The following LARGE1 variants were observed in gnomAD, a reference collection of about 807,000 sequenced individuals.
LARGE1 encodes the protein xylosyl- and glucuronyltransferase LARGE1.
LARGE1 carries 43 observed loss-of-function variants against 87.6 expected under a neutral mutation model. That is an observed-to-expected ratio of 0.49 (90% CI 0.38 to 0.63). The LOEUF is 0.63. Among genes scored for constraint, LARGE1 ranks in the 30% least tolerant of loss-of-function variants. LARGE1 has a pLI of 0.00. For missense variants in LARGE1, 802 were observed against 1,000.2 expected (o/e 0.80, Z 2.67); for synonymous variants, 434 against 394.6 (o/e 1.10, Z -1.18).
chr22:33,892,782 C>T (rs191249060), intron 1 of LARGE1, among the ~76,000 whole-genome samples: 19 of 152,328 alleles, frequency 1.2e-4, no homozygotes, highest in Admixed American at 4.6e-4. Flanking sequence ...TGTACTTCAG[C>T]GGAAGAGGCA....
At chr22:33,453,015 C>G (rs908251709) in intron 6 of LARGE1, among the ~76,000 whole-genome samples, 3 of 152,176 alleles carry the variant, frequency 2.0e-5, no homozygotes, top group Admixed American at 6.5e-5. Flanking sequence ...GCCATACCAC[C>G]CTGGCCTGCC....
Position 33,214,766 on chromosome 22 carries a change from A to G in LARGE1, c.1731-47934T>C, listed in dbSNP as rs140160302. 2.4e-3 allele frequency among the ~76,000 whole-genome samples: 372 copies of G among 152,312 alleles called. 3 individuals carry two copies. The highest frequency in any genetic ancestry group is 8.3e-3 in the African/African-American group (344 of 41,558). ...TTTTCGAGGGAGCCCGGTCTTTCAC[A>G]TGAAATTATCTGTTTTCGCCAACCT... On this transcript the variant is annotated intron_variant, in intron 11 of 11. Transcript: ENST00000608642.
intron 6 of LARGE1, among the ~76,000 whole-genome samples, chr22:33,436,858 C>T (rs1458157166): frequency 1.3e-5 from 2 of 152,100 alleles, no homozygotes; most frequent in Non-Finnish European, 2.9e-5. Flanking sequence ...CTGAGCAATT[C>T]CAACTCTGGG....
upstream of LARGE1, among the ~76,000 whole-genome samples, chr22:33,921,047 G>A (rs865939261): frequency 1.9e-4 from 29 of 150,442 alleles, no homozygotes; most frequent in Middle Eastern, 3.5e-3. This position sits in a 1 kb window ranked among gnomAD's most constrained non-coding sequence, Gnocchi z 4.1. Flanking sequence ...GGGGGGGACC[G>A]CGAGCCGGGG....
chr22:33,140,986 T>A, the LARGE1 span, among the ~76,000 whole-genome samples: 1 of 152,194 alleles, frequency 6.6e-6, no homozygotes, highest in Non-Finnish European at 1.5e-5. Context: ...TTAAAGATAC[T>A]TTACATTAAA....
At chr22:33,705,124 T>C (rs1167900648) in intron 2 of LARGE1, among the ~76,000 whole-genome samples, 1 of 152,160 alleles carries the variant, frequency 6.6e-6, no homozygotes, top group South Asian at 2.1e-4. Flanking sequence ...GTCTCATGCG[T>C]CTGACAGGTC....
At chr22:33,807,879 C>T (rs1259858736) in intron 1 of LARGE1, among the ~76,000 whole-genome samples, 3 of 152,094 alleles carry the variant, frequency 2.0e-5, no homozygotes, top group Non-Finnish European at 4.4e-5. Flanking sequence ...CCTGGATGTG[C>T]TATGGTTTAT....
intron 2 of LARGE1, chr22:33,744,019 G>A (rs1012724238): frequency 6.6e-6 from 1 of 152,190 alleles, no homozygotes; most frequent in Non-Finnish European, 1.5e-5. Flanking sequence ...CCCGCTGGCT[G>A]TGAATCCAGT....
At chr22:33,844,223 CA>C (rs1334962058) in intron 1 of LARGE1, among the ~76,000 whole-genome samples, 1 of 152,062 alleles carries the variant, frequency 6.6e-6, no homozygotes, top group Non-Finnish European at 1.5e-5. Context: ...TTATTGAGGG[CA>C]AATAAAGATG....
chr22:33,367,723 G>A (rs942211251), intron 9 of LARGE1, among the ~76,000 whole-genome samples: 4 of 152,012 alleles, frequency 2.6e-5, no homozygotes, highest in Admixed American at 6.5e-5. Flanking sequence ...CACCAGGCCC[G>A]GCCAACTCTA....
chr22:33,777,684 A>AAGGGGAAGGGAAGGC (rs374883131), intron 1 of LARGE1, among the ~76,000 whole-genome samples: 9 of 100,154 alleles, frequency 9.0e-5, no homozygotes, highest in East Asian at 3.5e-4. Flanking sequence ...GGAGAAGGAG[A>AAGGGGAAGGGAAGGC]AGGGGAAGGG....
chr22:33,130,364 C>T, the LARGE1 span, among the ~76,000 whole-genome samples: 1 of 145,866 alleles, frequency 6.9e-6, no homozygotes, highest in South Asian at 2.2e-4. Flanking sequence ...GTGGTGCATT[C>T]CTGTAGTCCC....
At chr22:33,573,867 A>G (rs972452676) in intron 5 of LARGE1, among the ~76,000 whole-genome samples, 5 of 152,156 alleles carry the variant, frequency 3.3e-5, no homozygotes, top group African/African-American at 1.2e-4. Flanking sequence ...AGTTGATGCC[A>G]GCTATCAATA....
chr22:33,371,754 G>C (rs1044336620), intron 9 of LARGE1, among the ~76,000 whole-genome samples: 3 of 152,186 alleles, frequency 2.0e-5, no homozygotes, highest in Admixed American at 6.5e-5. Flanking sequence ...GGAGGCCGAG[G>C]TGGGTGGATC....
intron 11 of LARGE1, among the ~76,000 whole-genome samples, chr22:33,176,516 C>A (rs1057200024): frequency 6.6e-6 from 1 of 152,154 alleles, no homozygotes; most frequent in Admixed American, 6.5e-5. Context: ...AGAGACTTTT[C>A]AAAAGAAGGC....
chr22:33,141,030 G>A, the LARGE1 span, among the ~76,000 whole-genome samples: 1 of 152,150 alleles, frequency 6.6e-6, no homozygotes, highest in Admixed American at 6.5e-5. Context: ...GGTTGCTGGT[G>A]AAGGAGTCAT....
chr22:33,271,506 T>G (rs1330545453), downstream of LARGE1, among the ~76,000 whole-genome samples: 1 of 152,232 alleles, frequency 6.6e-6, no homozygotes, highest in Non-Finnish European at 1.5e-5. Context: ...CCACACTGAC[T>G]GTTAAGGGGA....
intron 1 of LARGE1, among the ~76,000 whole-genome samples, chr22:33,883,085 C>T (rs559275235): frequency 1.2e-4 from 19 of 152,278 alleles, no homozygotes; most frequent in Non-Finnish European, 1.9e-4. Context: ...ATGCCAATGC[C>T]GGAGAAGTCT....
chr22:33,760,265 C>T (rs1358289060), intron 2 of LARGE1, among the ~76,000 whole-genome samples: 1 of 152,206 alleles, frequency 6.6e-6, no homozygotes, highest in African/African-American at 2.4e-5. Context: ...AAACCATCTT[C>T]ACAGGCAAAA....
Sources: gnomAD v4.1 joint callset for allele counts (sites outside exome capture counted in the v4.1 genomes callset) on GRCh38, gnomAD v4.1.1 for gene constraint, Gnocchi (gnomAD v3.1) non-coding constraint, MANE v1.5 for transcripts, NCBI Gene and HGNC (gene_info 2026-07-23, HGNC 2026-07-21) for gene names.